Variants in ZMYM2 observed in about 807,000 individuals in gnomAD.
ZMYM2 encodes the protein zinc finger MYM-type containing 2, also known as zinc finger MYM-type protein 2.
Under a neutral mutation model 162.8 loss-of-function variants are expected in ZMYM2, and 56 were observed. The ratio of observed to expected loss-of-function variants is 0.34; its 90% CI spans 0.28 to 0.43. The LOEUF (loss-of-function observed/expected upper bound fraction) is 0.43, where lower values mean the gene tolerates loss of function less well. Among genes scored for constraint, ZMYM2 ranks in the 20% least tolerant of loss-of-function variants. The probability of loss-of-function intolerance (pLI) is 1.00; values close to 1 mark genes in which losing one functional copy is unlikely to be tolerated. For synonymous variants in ZMYM2, 510 were observed against 541.6 expected (o/e 0.94, Z 0.81); for missense variants, 1,275 against 1,621.8 (o/e 0.79, Z 3.67).
At chr13:20,054,176 A>G (rs1955601794) in intron 14 of ZMYM2, among the ~76,000 whole-genome samples, 1 of 152,252 alleles carries the variant, frequency 6.6e-6, no homozygotes. Flanking sequence ...TTCAAAGGAT[A>G]GGAGCTTAGC....
chr13:19,898,155 A>G, the ZMYM2 span, among the ~76,000 whole-genome samples: 44 of 152,198 alleles, frequency 2.9e-4, no homozygotes, highest in Non-Finnish European at 4.9e-4. Context: ...TTTTTTTCCA[A>G]TCACAAAGAA....
chr13:20,000,203 G>C (rs956287229), intron 3 of ZMYM2, among the ~76,000 whole-genome samples: 1 of 152,124 alleles, frequency 6.6e-6, no homozygotes, highest in African/African-American at 2.4e-5. Context: ...AGAGTTAGGC[G>C]CTAACTCTTT....
the ZMYM2 span, among the ~76,000 whole-genome samples, chr13:19,951,806 C>T: frequency 0.033 from 5,005 of 152,018 alleles, 281 homozygotes; most frequent in African/African-American, 0.11. Flanking sequence ...ATTAATACAG[C>T]GATGATGGAA....
rs143439901 is a variant in ZMYM2 at position 19,966,987 on chromosome 13, G to T, written c.-11+6961G>T. 1.1e-3 allele frequency among the ~76,000 whole-genome samples: 173 copies of T among 152,216 alleles called. 1 individual carries two copies. The Middle Eastern group carries it at 0.017, about 15-fold the overall frequency. On this transcript the variant is annotated intron_variant, in intron 2 of 24. Coordinates refer to ENST00000610343, the MANE Select transcript of ZMYM2 (RefSeq NM_197968.4). ...GTTTTACATTGCTTATGGAAGAGAA[G>T]CTTCTGTTCCAGTTAGTCTCTCTTC...
intron 12 of ZMYM2, among the ~76,000 whole-genome samples, chr13:20,041,798 A>G (rs1205625712): frequency 6.6e-6 from 1 of 151,940 alleles, no homozygotes; most frequent in African/African-American, 2.4e-5. Context: ...TGCTTTACTT[A>G]ATGATGCTTA....
At chr13:19,980,338 G>A (rs1002867560) in intron 2 of ZMYM2, among the ~76,000 whole-genome samples, 6 of 151,748 alleles carry the variant, frequency 4.0e-5, no homozygotes, top group African/African-American at 1.5e-4. Context: ...GATATATTGG[G>A]TCTGTTTCAG....
the ZMYM2 span, among the ~76,000 whole-genome samples, chr13:19,903,466 C>T: frequency 6.4e-5 from 9 of 140,970 alleles, no homozygotes; most frequent in Non-Finnish European, 1.4e-4. Context: ...GGTGAAACCC[C>T]ATCTCCACTA....
intron 11 of ZMYM2, among the ~76,000 whole-genome samples, chr13:20,036,101 C>T (rs1352969926): frequency 6.6e-6 from 1 of 152,024 alleles, no homozygotes; most frequent in Admixed American, 6.5e-5. Context: ...ATTCTACTTA[C>T]ATAGCACAGT....
intron 9 of ZMYM2, among the ~76,000 whole-genome samples, chr13:20,028,606 A>T (rs1464459119): frequency 6.6e-6 from 1 of 152,190 alleles, no homozygotes; most frequent in Non-Finnish European, 1.5e-5. Context: ...AAATTCCAGG[A>T]TGCCCAAATC....
chr13:19,958,482 G>A (rs570516299), upstream of ZMYM2, among the ~76,000 whole-genome samples: 3 of 152,210 alleles, frequency 2.0e-5, no homozygotes, highest in South Asian at 2.1e-4. Flanking sequence ...GGGGACCGGC[G>A]GGGAGGGGAC....
At chr13:20,032,887 G>A (rs1006119971) in intron 10 of ZMYM2, among the ~76,000 whole-genome samples, 13 of 152,212 alleles carry the variant, frequency 8.5e-5, no homozygotes, top group Non-Finnish European at 1.8e-4. Context: ...GGGATCACAG[G>A]CGTGAGCCAC....
chr13:19,909,113 ATGT>A, the ZMYM2 span, among the ~76,000 whole-genome samples: 1 of 152,184 alleles, frequency 6.6e-6, no homozygotes, highest in Non-Finnish European at 1.5e-5. Flanking sequence ...TCAGTGATCA[ATGT>A]TGTCATTTCT....
chr13:19,995,212 C>T (rs1448717192), intron 3 of ZMYM2, among the ~76,000 whole-genome samples: 1 of 151,950 alleles, frequency 6.6e-6, no homozygotes, highest in African/African-American at 2.4e-5. Flanking sequence ...CCAAACATAT[C>T]ATCCTTTTTT....
the ZMYM2 span, among the ~76,000 whole-genome samples, chr13:19,885,233 C>G: frequency 5.9e-5 from 9 of 152,112 alleles, no homozygotes; most frequent in African/African-American, 2.2e-4. Context: ...ATGATTGTGC[C>G]ACTGCATTCC....
At chr13:20,008,080 C>T (rs1300374922) in intron 6 of ZMYM2, among the ~76,000 whole-genome samples, 1 of 152,206 alleles carries the variant, frequency 6.6e-6, no homozygotes, top group Admixed American at 6.5e-5. Flanking sequence ...GAGTAGACTA[C>T]AATTAAGATA....
chr13:19,957,309 T>C (rs1238799916), upstream of ZMYM2, among the ~76,000 whole-genome samples: 2 of 152,210 alleles, frequency 1.3e-5, no homozygotes, highest in Non-Finnish European at 2.9e-5. Context: ...TATATGTTTA[T>C]TAATAGGCAA....
intron 14 of ZMYM2, 130 bp from the exon 15 acceptor site, chr13:20,058,445 A>T (rs1955977319): frequency 9.4e-7 from 1 of 1,068,352 alleles, no homozygotes; most frequent in Non-Finnish European, 1.3e-6. Flanking sequence ...CATAGGGATA[A>T]TAGCATAATT....
intron 9 of ZMYM2, among the ~76,000 whole-genome samples, chr13:20,029,581 G>A (rs1030732033): frequency 9.9e-5 from 15 of 152,122 alleles, no homozygotes; most frequent in African/African-American, 3.6e-4. Context: ...GTGTTGTACA[G>A]TGTATGCAGA....
chr13:20,023,147 G>C (rs1292051942), intron 7 of ZMYM2, among the ~76,000 whole-genome samples: 1 of 152,152 alleles, frequency 6.6e-6, no homozygotes, highest in Non-Finnish European at 1.5e-5. Context: ...AAGTAAGTTT[G>C]TTGCCTCCAA....
Sources: gnomAD v4.1 joint callset for allele counts (sites outside exome capture counted in the v4.1 genomes callset) on GRCh38, gnomAD v4.1.1 for gene constraint, MANE v1.5 for transcripts, NCBI Gene and HGNC (gene_info 2026-07-23, HGNC 2026-07-21) for gene names.